DOK6: variants seen among roughly 807,000 people sequenced by gnomAD.
The protein encoded by DOK6 is downstream of tyrosine kinase 6.
Under a neutral mutation model 44.0 loss-of-function variants are expected in DOK6, and 22 were observed. The ratio of observed to expected loss-of-function variants is 0.50; its 90% CI spans 0.36 to 0.71. The LOEUF (loss-of-function observed/expected upper bound fraction) is 0.71, where lower values mean the gene tolerates loss of function less well. Among genes scored for constraint, DOK6 ranks in the 30% least tolerant of loss-of-function variants. The pLI, the probability that DOK6 is intolerant of heterozygous loss-of-function variation, is 0.00. For synonymous variants in DOK6, 166 were observed against 145.5 expected (o/e 1.14, Z -1.01); for missense variants, 340 against 416.4 (o/e 0.82, Z 1.60).
At chr18:69,428,782 G>A (rs1387013233) in intron 1 of DOK6, among the ~76,000 whole-genome samples, 2 of 152,110 alleles carry the variant, frequency 1.3e-5, no homozygotes, top group African/African-American at 4.8e-5. Flanking sequence ...TTTTTAAAAA[G>A]TAAAAATAAA....
At chr18:69,821,703 C>T (rs1030119823) in intron 7 of DOK6, among the ~76,000 whole-genome samples, 4 of 151,874 alleles carry the variant, frequency 2.6e-5, no homozygotes, top group Non-Finnish European at 2.9e-5. Flanking sequence ...TTCTTTGTGT[C>T]GGTCCTAAAA....
chr18:69,699,278 T>A (rs1986458768), intron 5 of DOK6, among the ~76,000 whole-genome samples: 1 of 152,200 alleles, frequency 6.6e-6, no homozygotes, highest in Non-Finnish European at 1.5e-5. Context: ...CCAGGGTACA[T>A]GATTTATCAC....
At chr18:69,815,833 G>A (rs1981384005) in intron 7 of DOK6, among the ~76,000 whole-genome samples, 1 of 152,018 alleles carries the variant, frequency 6.6e-6, no homozygotes, top group African/African-American at 2.4e-5. Flanking sequence ...GTCATTTGAG[G>A]CTTTTAATAT....
intron 7 of DOK6, among the ~76,000 whole-genome samples, chr18:69,804,906 T>TCTA (rs538749414): frequency 1.3e-5 from 2 of 152,170 alleles, no homozygotes; most frequent in Non-Finnish European, 2.9e-5. Flanking sequence ...GTGACGAGTA[T>TCTA]CTACCAAAGG....
chr18:69,586,926 T>G (rs1465425737), intron 2 of DOK6, among the ~76,000 whole-genome samples: 1 of 151,742 alleles, frequency 6.6e-6, no homozygotes, highest in African/African-American at 2.4e-5. Context: ...AAATAATAAA[T>G]AAAGAATAAA....
At chr18:69,723,095 T>C (rs140127308) in intron 5 of DOK6, among the ~76,000 whole-genome samples, 2 of 152,320 alleles carry the variant, frequency 1.3e-5, no homozygotes, top group East Asian at 3.9e-4. Context: ...ATATTAAATA[T>C]GCCGAAAGCT....
Position 69,846,848 on chromosome 18 carries a change from A to T in DOK6, c.*5465A>T, listed in dbSNP as rs867072680. ...ATGTGAGCCTCAAGAAGCTTCCATT[A>T]TCAACAAGAATTGGGGAAATGACTT... On this transcript the variant is annotated 3_prime_UTR_variant, in exon 8 of 8. Transcript: ENST00000382713. The T allele has an allele frequency of 6.6e-6, 1 of 152,154 alleles. No individual in the cohort carries two copies. The highest frequency in any genetic ancestry group is 1.9e-4 in the East Asian group (1 of 5,196). 9.4% of individuals were successfully genotyped at this position (152,154 alleles called of 1,614,324 possible).
At chr18:69,678,240 C>A (rs902064131) in intron 4 of DOK6, among the ~76,000 whole-genome samples, 3 of 152,090 alleles carry the variant, frequency 2.0e-5, no homozygotes, top group Non-Finnish European at 4.4e-5. Flanking sequence ...CAGAGTAAGA[C>A]CCTGTCTCAG....
At chr18:69,554,021 TTCTTACAAATAGGGAGCAATAATAA>T (rs1982629071) in intron 1 of DOK6, among the ~76,000 whole-genome samples, 2 of 152,262 alleles carry the variant, frequency 1.3e-5, no homozygotes, top group South Asian at 4.1e-4. Flanking sequence ...ATATCACTTT[TTCTTACAAATAGGGAGCAATAATAA>T]GGAGAAAACC....
chr18:69,799,376 A>T (rs1179501297), intron 7 of DOK6, among the ~76,000 whole-genome samples: 1 of 152,064 alleles, frequency 6.6e-6, no homozygotes, highest in East Asian at 1.9e-4. Context: ...AAATGAGATT[A>T]TTAATCTTGA....
intron 1 of DOK6, among the ~76,000 whole-genome samples, chr18:69,443,489 A>T (rs1455749751): frequency 6.6e-6 from 1 of 152,172 alleles, no homozygotes; most frequent in Non-Finnish European, 1.5e-5. Context: ...CATGTAAATA[A>T]CTTACATGGG....
intron 1 of DOK6, among the ~76,000 whole-genome samples, chr18:69,534,681 T>C (rs1442669): frequency 0.16 from 24,583 of 151,810 alleles, 2,395 homozygotes; most frequent in South Asian, 0.32. Context: ...CACAAAGGAG[T>C]ATGCCAGCAG....
chr18:69,662,574 T>C (rs1480803129), intron 3 of DOK6: 3 of 152,260 alleles, frequency 2.0e-5, no homozygotes, highest in South Asian at 2.1e-4. Flanking sequence ...TGTTAGTAGA[T>C]GAATATTGCC....
intron 6 of DOK6, among the ~76,000 whole-genome samples, chr18:69,742,486 A>G (rs537245248): frequency 2.6e-5 from 4 of 152,314 alleles, no homozygotes; most frequent in East Asian, 3.9e-4. Context: ...TTGCCACTCA[A>G]AAGTAACTGG....
At chr18:69,691,163 A>T (rs1986255601) in intron 4 of DOK6, among the ~76,000 whole-genome samples, 1 of 151,102 alleles carries the variant, frequency 6.6e-6, no homozygotes, top group Admixed American at 6.6e-5. Flanking sequence ...AGCCCGGGCG[A>T]CAAGAGCGAA....
At chr18:69,662,051 C>T (rs1441486897) in intron 3 of DOK6, 3 of 151,850 alleles carry the variant, frequency 2.0e-5, no homozygotes, top group Non-Finnish European at 4.4e-5. Flanking sequence ...CAGATCTCGG[C>T]TCACTGCAAC....
At chr18:69,623,465 C>A (rs1249665083) in intron 3 of DOK6, among the ~76,000 whole-genome samples, 1 of 152,110 alleles carries the variant, frequency 6.6e-6, no homozygotes, top group Non-Finnish European at 1.5e-5. Flanking sequence ...TAAAATTCAA[C>A]TTCAGTCTAA....
At chr18:69,569,744 C>T (rs1349042252) in intron 2 of DOK6, among the ~76,000 whole-genome samples, 1 of 152,050 alleles carries the variant, frequency 6.6e-6, no homozygotes, top group Non-Finnish European at 1.5e-5. Context: ...ACTCATTCTA[C>T]CATAAAGGCA....
At chr18:69,728,943 C>A (rs1978328187) in intron 5 of DOK6, among the ~76,000 whole-genome samples, 1 of 152,116 alleles carries the variant, frequency 6.6e-6, no homozygotes, top group Non-Finnish European at 1.5e-5. Flanking sequence ...TCAAGGACAG[C>A]CCCTGCAGTG....
Sources: allele counts gnomAD v4.1 joint callset (sites outside exome capture counted in the v4.1 genomes callset), GRCh38; gene constraint gnomAD v4.1.1; transcripts MANE v1.5; gene names NCBI Gene and HGNC (gene_info 2026-07-23, HGNC 2026-07-21).